NOPCHAP1: variants seen among roughly 807,000 people sequenced by gnomAD.
The protein encoded by NOPCHAP1 is DNA damage-sensitive RNA 1.
Under a neutral mutation model 14.0 loss-of-function variants are expected in NOPCHAP1, and 13 were observed. The ratio of observed to expected loss-of-function variants is 0.93; its 90% CI spans 0.60 to 1.47. The LOEUF (loss-of-function observed/expected upper bound fraction) is 1.47, where lower values mean the gene tolerates loss of function less well. NOPCHAP1 is among the 40% of genes most tolerant of loss of function. The pLI, the probability that NOPCHAP1 is intolerant of heterozygous loss-of-function variation, is 0.00. For missense variants in NOPCHAP1, 230 were observed against 226.9 expected (o/e 1.01, Z -0.09); for synonymous variants, 78 against 78.4 (o/e 1.00, Z 0.03).
At position 105,004,466 on chromosome 12, in the gene NOPCHAP1, T is replaced by C. The variant is rs7966109; in HGVS notation, c.*9770T>C. 0.096 allele frequency: 14,579 copies of C among 152,124 alleles called. 791 individuals are homozygous for C. The highest frequency in any genetic ancestry group is 0.14 in the African/African-American group (5,612 of 41,460). The allele number at this position is 152,124 out of a possible 1,614,324, so 9.4% of individuals were successfully genotyped here. On this transcript the variant is annotated 3_prime_UTR_variant, in exon 4 of 4. Coordinates refer to ENST00000552951, the MANE Select transcript of NOPCHAP1 (RefSeq NM_152318.3). ...CTGTAGTTCCAGCTACTTGGGAGGCTGAGACAGAAGAGTCACTTGAACCCA... is the reference window on the plus strand; with the variant it reads ...CTGTAGTTCCAGCTACTTGGGAGGCCGAGACAGAAGAGTCACTTGAACCCA...
At position 104,988,191 on chromosome 12, in the gene NOPCHAP1, A is replaced by G; in HGVS notation, c.140A>G (p.Asn47Ser). The G allele has an allele frequency of 6.2e-7, 1 of 1,612,668 alleles. No homozygotes were observed. Among genetic ancestry groups the G allele is most frequent in the Non-Finnish European group, 8.5e-7 (1 of 1,179,212 alleles). Residue 47 changes from asparagine to serine, a missense_variant, in exon 2 of 4, where the codon AAC (asparagine) becomes AGC (serine). Coordinates refer to ENST00000552951, the MANE Select transcript of NOPCHAP1 (RefSeq NM_152318.3). ...GGTATATGGGACAGGTTGCTCATCA[A>G]CTCCCAACCTAAGTCCAGAAAGACC... ...RGGIWDRLLI[N>S]SQPKSRKTST...
intron 2 of NOPCHAP1, 65 bp downstream of exon 2, chr12:104,988,318 C>T (rs554323057): frequency 2.3e-5 from 29 of 1,272,894 alleles, no homozygotes; most frequent in South Asian, 1.3e-4. Context: ...AGCTGTGGGA[C>T]GGTCTCTGCC....
At position 105,009,874 on chromosome 12, in the gene NOPCHAP1, T is replaced by G. The variant is rs1285748730; in HGVS notation, c.*15178T>G. 1 of 152,226 alleles carries G rather than the reference T, an allele frequency of 6.6e-6. No homozygotes were observed. The highest frequency in any genetic ancestry group is 1.5e-5 in the Non-Finnish European group (1 of 68,044). The allele number at this position is 152,226 out of a possible 1,614,324, so 9.4% of individuals were successfully genotyped here. A position where few individuals can be genotyped will look rare whatever the true frequency, so the allele number is the denominator to read the frequency against. On this transcript the variant is annotated 3_prime_UTR_variant, in exon 4 of 4. Transcript: ENST00000552951. ...TGCTGGATTCAGTTTGCTGGTATTT[T>G]ATTGAGGATTTTTGCATTGATGTTC...
At position 105,010,378 on chromosome 12, in the gene NOPCHAP1, T is replaced by G. The variant is rs1330014735; in HGVS notation, c.*15682T>G. On this transcript the variant is annotated 3_prime_UTR_variant, in exon 4 of 4. Coordinates refer to ENST00000552951, the MANE Select transcript of NOPCHAP1 (RefSeq NM_152318.3). ...GATTCTTCTCTCTTTTCTTCTTTATTAATTGGGCTTGTGGTCTATCTATTT... is the reference window on the plus strand; with the variant it reads ...GATTCTTCTCTCTTTTCTTCTTTATGAATTGGGCTTGTGGTCTATCTATTT... The G allele has an allele frequency of 6.6e-6, 1 of 152,212 alleles. No homozygotes were observed. Among genetic ancestry groups the G allele is most frequent in the Non-Finnish European group, 1.5e-5 (1 of 68,040 alleles). The allele number at this position is 152,212 out of a possible 1,614,324, so 9.4% of individuals were successfully genotyped here.
In NOPCHAP1 at chr12:105,008,640, A is replaced by G. The variant is rs886107058; in HGVS notation, c.*13944A>G. The G allele has an allele frequency of 2.0e-5, 3 of 152,228 alleles. No individual in the cohort carries two copies. The highest frequency in any genetic ancestry group is 1.3e-4 in the Admixed American group (2 of 15,278). 9.4% of individuals were successfully genotyped at this position (152,228 alleles called of 1,614,324 possible). A position where few individuals can be genotyped will look rare whatever the true frequency, so the allele number is the denominator to read the frequency against. On this transcript the variant is annotated 3_prime_UTR_variant, in exon 4 of 4. Transcript: ENST00000552951. ...GATCTTACATTTAAGTCTTTAATCCATCGTGAGTTAATTTTTGTATAAGGT... is the reference window on the plus strand; with the variant it reads ...GATCTTACATTTAAGTCTTTAATCCGTCGTGAGTTAATTTTTGTATAAGGT...
Position 105,011,226 on chromosome 12 carries a change from T to C in NOPCHAP1, c.*16530T>C, listed in dbSNP as rs916452465. The C allele has an allele frequency of 6.6e-6, 1 of 152,240 alleles. No individual in the cohort carries two copies. Among genetic ancestry groups the C allele is most frequent in the African/African-American group, 2.4e-5 (1 of 41,452 alleles). 9.4% of individuals were successfully genotyped at this position (152,240 alleles called of 1,614,324 possible). On this transcript the variant is annotated 3_prime_UTR_variant, in exon 4 of 4. Transcript: ENST00000552951. The stretch of plus-strand genomic sequence containing the variant: ...TGTTGGGTTGATCCCTTTACCATTA[T>C]GTAATGCCCTTCTTTGTCTTTTTTG...
chr12:104,990,222 C>T (rs1873342868), intron 2 of NOPCHAP1, among the ~76,000 whole-genome samples: 1 of 152,164 alleles, frequency 6.6e-6, no homozygotes, highest in Non-Finnish European at 1.5e-5. Flanking sequence ...CCTCAGGGTT[C>T]AGCATATACT....
chr12:105,012,920 A>T lies in NOPCHAP1; in HGVS notation c.*18224A>T, dbSNP rs1477674351. The stretch of plus-strand genomic sequence containing the variant: ...AGATCTCCTGTGTGAGGTTTCTGTC[A>T]ACCTCTGCTGGGAGGTGTCTCCCAG... On this transcript the variant is annotated 3_prime_UTR_variant, in exon 4 of 4. Coordinates refer to ENST00000552951, the MANE Select transcript of NOPCHAP1 (RefSeq NM_152318.3). 6.6e-6 allele frequency: 1 copy of T among 152,258 alleles called. No individual in the cohort carries two copies. The highest frequency in any genetic ancestry group is 1.5e-5 in the Non-Finnish European group (1 of 68,100). 9.4% of individuals were successfully genotyped at this position (152,258 alleles called of 1,614,324 possible). A position where few individuals can be genotyped will look rare whatever the true frequency, so the allele number is the denominator to read the frequency against.
chr12:104,986,737 T>C (rs915626189), intron 1 of NOPCHAP1, among the ~76,000 whole-genome samples: 1 of 152,174 alleles, frequency 6.6e-6, no homozygotes, highest in African/African-American at 2.4e-5. Flanking sequence ...CAGGCGCCGC[T>C]GCCAGGCATC....
Position 104,990,434 on chromosome 12 carries a change from G to A in NOPCHAP1, c.203-1278G>A, listed in dbSNP as rs181089499. On this transcript the variant is annotated intron_variant, in intron 2 of 3. Coordinates refer to ENST00000552951, the MANE Select transcript of NOPCHAP1 (RefSeq NM_152318.3). ...AATTTCTCTTTCTGTAATCTGAAGG[G>A]GAATGAGAGCTAACATTCACTATTA... 2.6e-5 allele frequency among the ~76,000 whole-genome samples: 4 copies of A among 152,238 alleles called. No individual in the cohort carries two copies. In the East Asian group the frequency reaches 7.7e-4, roughly 29 times the overall value.
Position 104,986,321 on chromosome 12 carries a change from T to C in NOPCHAP1, c.-32T>C, listed in dbSNP as rs760316649. 4.5e-6 allele frequency: 7 copies of C among 1,566,406 alleles called. No homozygotes were observed. In the East Asian group the frequency reaches 1.6e-4, roughly 37 times the overall value. On this transcript the variant is annotated 5_prime_UTR_variant, in exon 1 of 4. Coordinates refer to ENST00000552951, the MANE Select transcript of NOPCHAP1 (RefSeq NM_152318.3). ...CCCTTACCCGAGCCTTTTTCCTGCA[T>C]CCGGGCCTGAGAGTGCAGGCTTGAG...
rs1437093412 is a variant in NOPCHAP1, at chr12:104,996,699, A to T, written c.*2003A>T. The stretch of plus-strand genomic sequence containing the variant: ...CCTTGATGATCTGCCTAATACTGTC[A>T]GTGGGGTGTTAAAGTCTCCCACTAT... On this transcript the variant is annotated 3_prime_UTR_variant, in exon 4 of 4. Coordinates refer to ENST00000552951, the MANE Select transcript of NOPCHAP1 (RefSeq NM_152318.3). The T allele has an allele frequency of 2.0e-5, 3 of 152,162 alleles. No homozygotes were observed. Among genetic ancestry groups the T allele is most frequent in the Non-Finnish European group, 4.4e-5 (3 of 68,038 alleles). The allele number at this position is 152,162 out of a possible 1,614,324, so 9.4% of individuals were successfully genotyped here.
chr12:104,999,064 G>C lies in NOPCHAP1; in HGVS notation c.*4368G>C, dbSNP rs1393830782. Reference sequence around the variant, plus strand: ...GTGTTGGTGTCGGAGTGGGGTACTGGTGGTCTCCGTACCTGCAGATACTCC... The same window carrying C: ...GTGTTGGTGTCGGAGTGGGGTACTGCTGGTCTCCGTACCTGCAGATACTCC... On this transcript the variant is annotated 3_prime_UTR_variant, in exon 4 of 4. Transcript: ENST00000552951. 1 of 153,084 alleles carries C rather than the reference G, an allele frequency of 6.5e-6. No homozygotes were observed. Among genetic ancestry groups the C allele is most frequent in the Non-Finnish European group, 1.5e-5 (1 of 68,724 alleles). 9.5% of individuals were successfully genotyped at this position (153,084 alleles called of 1,614,324 possible).
intron 1 of NOPCHAP1, 58 bp downstream of exon 1, chr12:104,986,525 G>A: frequency 2.1e-6 from 3 of 1,420,798 alleles, no homozygotes; most frequent in South Asian, 1.3e-5. Context: ...AGGCGCGGCC[G>A]GTGCAGTTTG....
In NOPCHAP1 at chr12:105,000,182, T is replaced by C. The variant is rs1169398405; in HGVS notation, c.*5486T>C. The C allele has an allele frequency of 1.3e-5, 2 of 152,368 alleles. No individual in the cohort carries two copies. Among genetic ancestry groups the C allele is most frequent in the African/African-American group, 4.8e-5 (2 of 41,592 alleles). The allele number at this position is 152,368 out of a possible 1,614,324, so 9.4% of individuals were successfully genotyped here. On this transcript the variant is annotated 3_prime_UTR_variant, in exon 4 of 4. Coordinates refer to ENST00000552951, the MANE Select transcript of NOPCHAP1 (RefSeq NM_152318.3). Reference sequence around the variant, plus strand: ...ATACCTGGAAGCATAATATACCTTTTGTAGGCATCACTTGGTTTGATGTTC... The same window carrying C: ...ATACCTGGAAGCATAATATACCTTTCGTAGGCATCACTTGGTTTGATGTTC...
chr12:104,989,520 A>G (rs1372181465), intron 2 of NOPCHAP1, among the ~76,000 whole-genome samples: 1 of 152,080 alleles, frequency 6.6e-6, no homozygotes, highest in Admixed American at 6.5e-5. Context: ...TGTCATGAAT[A>G]TGGTGTTTCT....
In NOPCHAP1 at chr12:105,012,747, TG is replaced by T. The variant is rs2136034182; in HGVS notation, c.*18052del. 1 of 152,998 alleles carries T rather than the reference TG, an allele frequency of 6.5e-6. No individual in the cohort carries two copies. 9.5% of individuals were successfully genotyped at this position (152,998 alleles called of 1,614,324 possible). ...TTCCTTCTCTAACAGGCCCCTCTGCTGCAGGTCTGCTGGAGTTTGCTGGAGG... is the reference window on the plus strand; with the variant it reads ...TTCCTTCTCTAACAGGCCCCTCTGCTCAGGTCTGCTGGAGTTTGCTGGAGG... On this transcript the variant is annotated 3_prime_UTR_variant, in exon 4 of 4. Coordinates refer to ENST00000552951, the MANE Select transcript of NOPCHAP1 (RefSeq NM_152318.3).
Position 105,011,558 on chromosome 12 carries a change from T to C in NOPCHAP1, c.*16862T>C, listed in dbSNP as rs1873819731. ...GTCATTATGATGGTTATTTTTCCCA[T>C]TAATTGATGCAGTTTCTTCATAGTG... On this transcript the variant is annotated 3_prime_UTR_variant, in exon 4 of 4. Transcript: ENST00000552951. 1.3e-5 allele frequency: 2 copies of C among 152,252 alleles called. No individual in the cohort carries two copies. Among genetic ancestry groups the C allele is most frequent in the South Asian group, 2.1e-4 (1 of 4,830 alleles). The allele number at this position is 152,252 out of a possible 1,614,324, so 9.4% of individuals were successfully genotyped here. A position where few individuals can be genotyped will look rare whatever the true frequency, so the allele number is the denominator to read the frequency against.
rs1160314412 is a variant in NOPCHAP1 at position 105,011,548 on chromosome 12, A to T, written c.*16852A>T. 6.6e-6 allele frequency: 1 copy of T among 151,978 alleles called. No homozygotes were observed. Among genetic ancestry groups the T allele is most frequent in the Non-Finnish European group, 1.5e-5 (1 of 67,992 alleles). 9.4% of individuals were successfully genotyped at this position (151,978 alleles called of 1,614,324 possible). ...ATTTGATCCTGTCATTATGATGGTTATTTTTCCCATTAATTGATGCAGTTT... is the reference window on the plus strand; with the variant it reads ...ATTTGATCCTGTCATTATGATGGTTTTTTTTCCCATTAATTGATGCAGTTT... On this transcript the variant is annotated 3_prime_UTR_variant, in exon 4 of 4. Coordinates refer to ENST00000552951, the MANE Select transcript of NOPCHAP1 (RefSeq NM_152318.3).
Sources: allele counts gnomAD v4.1 joint callset (sites outside exome capture counted in the v4.1 genomes callset), GRCh38; gene constraint gnomAD v4.1.1; transcripts MANE v1.5; gene names NCBI Gene and HGNC (gene_info 2026-07-23, HGNC 2026-07-21).